The following TTC28 variants were observed in gnomAD, a reference collection of about 807,000 sequenced individuals.
The protein encoded by TTC28 is tetratricopeptide repeat protein 28.
TTC28 carries 61 observed loss-of-function variants against 198.0 expected under a neutral mutation model. The ratio of observed to expected loss-of-function variants is 0.31; its 90% CI spans 0.25 to 0.38. The LOEUF (loss-of-function observed/expected upper bound fraction) is 0.38, where lower values mean the gene tolerates loss of function less well. Ranked by LOEUF, TTC28 falls within the 10% of genes least tolerant of loss-of-function variation. The probability of loss-of-function intolerance (pLI) is 1.00; values close to 1 mark genes in which losing one functional copy is unlikely to be tolerated. For missense variants in TTC28, 2,678 were observed against 3,164.0 expected (o/e 0.85, Z 3.69); for synonymous variants, 1,171 against 1,297.8 (o/e 0.90, Z 2.10).
intron 5 of TTC28, among the ~76,000 whole-genome samples, chr22:28,182,266 C>T (rs1020290288): frequency 3.3e-5 from 5 of 152,170 alleles, no homozygotes; most frequent in Non-Finnish European, 5.9e-5. Context: ...TATCACAATG[C>T]TATCCAATCA....
chr22:28,455,837 CAACT>C (rs2047851375), intron 2 of TTC28, among the ~76,000 whole-genome samples: 4 of 151,972 alleles, frequency 2.6e-5, no homozygotes, highest in Admixed American at 2.6e-4. Flanking sequence ...TCTAGTGATA[CAACT>C]AACTTTTTGC....
intron 12 of TTC28, among the ~76,000 whole-genome samples, chr22:28,086,710 T>C (rs1199391474): frequency 6.6e-6 from 1 of 151,990 alleles, no homozygotes; most frequent in African/African-American, 2.4e-5. Flanking sequence ...CTTCAAAAAA[T>C]TAATGAATCC....
At chr22:28,360,957 A>G (rs2046149104) in intron 2 of TTC28, among the ~76,000 whole-genome samples, 1 of 152,198 alleles carries the variant, frequency 6.6e-6, no homozygotes, top group Non-Finnish European at 1.5e-5. Flanking sequence ...GTTTTGGGAT[A>G]CCACAATGCC....
chr22:28,186,452 T>C (rs1268777151), intron 5 of TTC28, among the ~76,000 whole-genome samples: 3 of 152,174 alleles, frequency 2.0e-5, no homozygotes, highest in African/African-American at 7.2e-5. Flanking sequence ...ATTAACAGGA[T>C]GGGCTATGCT....
chr22:28,133,414 T>C (rs1422484459), intron 6 of TTC28, among the ~76,000 whole-genome samples: 1 of 152,106 alleles, frequency 6.6e-6, no homozygotes, highest in Non-Finnish European at 1.5e-5. Flanking sequence ...GGGTGAGGCA[T>C]CACCTCACTC....
chr22:28,129,078 T>G (rs1417826736), intron 6 of TTC28, among the ~76,000 whole-genome samples: 2 of 152,174 alleles, frequency 1.3e-5, no homozygotes, highest in Non-Finnish European at 2.9e-5. Context: ...GAACATGATG[T>G]GATTGTTCCA....
chr22:28,501,097 G>T (rs759760945), intron 2 of TTC28, among the ~76,000 whole-genome samples: 8 of 152,106 alleles, frequency 5.3e-5, no homozygotes, highest in Non-Finnish European at 1.2e-4. Context: ...AACATCTGTA[G>T]AGCACCTACT....
intron 19 of TTC28, among the ~76,000 whole-genome samples, chr22:27,992,140 A>G (rs1004726397): frequency 6.6e-6 from 1 of 152,018 alleles, no homozygotes; most frequent in Non-Finnish European, 1.5e-5. Flanking sequence ...ATGCCCTGAG[A>G]CCACAGGTGA....
chr22:28,439,839 C>T (rs1490359809), intron 2 of TTC28, among the ~76,000 whole-genome samples: 12 of 151,664 alleles, frequency 7.9e-5, no homozygotes, highest in Admixed American at 7.9e-4. Context: ...AAAAGCTGTA[C>T]ACTTTTTTTT....
At chr22:28,536,198 C>CAAAAAAA (rs59506221) in intron 2 of TTC28, among the ~76,000 whole-genome samples, 4 of 64,402 alleles carry the variant, frequency 6.2e-5, no homozygotes, top group Admixed American at 2.2e-4. Flanking sequence ...GACACCGTCT[C>CAAAAAAA]AAAAAAAAAA....
In TTC28 at chr22:28,158,113, T is replaced by G. The variant is rs533386329; in HGVS notation, c.1441+4979A>C. On this transcript the variant is annotated intron_variant, in intron 6 of 22. Coordinates refer to ENST00000397906, the MANE Select transcript of TTC28 (RefSeq NM_001145418.2). ...TACAAAAATCAGCAGCATTTCTATA[T>G]GCCAACAGTTAATAATCTAAAAAAG... 4.6e-5 allele frequency among the ~76,000 whole-genome samples: 7 copies of G among 152,176 alleles called. No individual in the cohort carries two copies. In the South Asian group the frequency reaches 1.5e-3, roughly 32 times the overall value.
chr22:28,173,302 A>G (rs961695145), intron 5 of TTC28, among the ~76,000 whole-genome samples: 2 of 152,152 alleles, frequency 1.3e-5, no homozygotes, highest in African/African-American at 4.8e-5. Flanking sequence ...GAGAATCTGA[A>G]GACCCACTAT....
chr22:28,444,551 C>G (rs1219134103), intron 2 of TTC28, among the ~76,000 whole-genome samples: 1 of 152,148 alleles, frequency 6.6e-6, no homozygotes, highest in Non-Finnish European at 1.5e-5. Context: ...TATTGAGCCA[C>G]TAGTCTATGC....
At chr22:28,291,335 C>G (rs1601588337) in intron 5 of TTC28, among the ~76,000 whole-genome samples, 1 of 151,938 alleles carries the variant, frequency 6.6e-6, no homozygotes, top group Non-Finnish European at 1.5e-5. Context: ...CACAGCAATG[C>G]CCAGAATCAG....
At chr22:27,997,644 T>C (rs1937576007) in intron 16 of TTC28, 1 of 152,250 alleles carries the variant, frequency 6.6e-6, no homozygotes, top group Non-Finnish European at 1.5e-5. Context: ...ATGTTACCCA[T>C]GGGTGGGACT....
At chr22:28,478,877 C>T (rs892287988) in intron 2 of TTC28, among the ~76,000 whole-genome samples, 1 of 152,212 alleles carries the variant, frequency 6.6e-6, no homozygotes, top group Non-Finnish European at 1.5e-5. Context: ...CCCCAAGTCA[C>T]TCTTCTACCA....
intron 12 of TTC28, among the ~76,000 whole-genome samples, chr22:28,084,880 T>C (rs549423202): frequency 6.6e-6 from 1 of 152,136 alleles, no homozygotes; most frequent in African/African-American, 2.4e-5. Flanking sequence ...GCCTCAGTAG[T>C]CGATGCGATC....
At chr22:28,222,224 C>T (rs1363075778) in intron 5 of TTC28, among the ~76,000 whole-genome samples, 1 of 152,200 alleles carries the variant, frequency 6.6e-6, no homozygotes, top group Non-Finnish European at 1.5e-5. Flanking sequence ...TGCAAATCTG[C>T]ATGTACAGTC....
At chr22:28,329,797 T>A (rs2045587556) in intron 2 of TTC28, among the ~76,000 whole-genome samples, 1 of 152,208 alleles carries the variant, frequency 6.6e-6, no homozygotes, top group Admixed American at 6.6e-5. Flanking sequence ...ATTTCAGCAG[T>A]GCAGATAACA....
Sources: allele counts gnomAD v4.1 joint callset (sites outside exome capture counted in the v4.1 genomes callset), GRCh38; gene constraint gnomAD v4.1.1; transcripts MANE v1.5; gene names NCBI Gene and HGNC (gene_info 2026-07-23, HGNC 2026-07-21).